The following C9 variants were observed in gnomAD, a reference collection of about 807,000 sequenced individuals.
C9 encodes the protein complement component C9.
Under a neutral mutation model 65.4 loss-of-function variants are expected in C9, and 63 were observed. The ratio of observed to expected loss-of-function variants is 0.96; its 90% CI spans 0.79 to 1.19. The LOEUF is 1.19. Among genes scored for constraint, C9 ranks in the 50% most tolerant of loss-of-function variants. The pLI is 0.00. For synonymous variants in C9, 229 were observed against 227.9 expected (o/e 1.00, Z -0.04); for missense variants, 744 against 670.1 (o/e 1.11, Z -1.22).
intron 9 of C9, among the ~76,000 whole-genome samples, chr5:39,291,864 G>T (rs948851085): frequency 3.3e-5 from 5 of 151,716 alleles, no homozygotes; most frequent in Non-Finnish European, 7.4e-5. Context: ...CTTGATAAAA[G>T]GGTGGTAGAA....
intron 1 of C9, among the ~76,000 whole-genome samples, chr5:39,342,524 A>C (rs1754106145): frequency 6.6e-6 from 1 of 152,224 alleles, no homozygotes; most frequent in Non-Finnish European, 1.5e-5. Flanking sequence ...CAACTAGATT[A>C]TGAACATAAT....
intron 1 of C9, among the ~76,000 whole-genome samples, chr5:39,343,694 A>G (rs1754134239): frequency 6.6e-6 from 1 of 152,144 alleles, no homozygotes; most frequent in Admixed American, 6.5e-5. Context: ...CCCAGCATGG[A>G]GTTTGAGATC....
chr5:39,304,674 AC>A (rs1753342177), intron 9 of C9, among the ~76,000 whole-genome samples: 1 of 152,170 alleles, frequency 6.6e-6, no homozygotes, highest in Non-Finnish European at 1.5e-5. Flanking sequence ...AACTATAGCT[AC>A]CATTTCCTTA....
chr5:39,348,901 C>T (rs1384696080), intron 1 of C9, among the ~76,000 whole-genome samples: 1 of 152,036 alleles, frequency 6.6e-6, no homozygotes, highest in African/African-American at 2.4e-5. Flanking sequence ...AACCATCATT[C>T]TCAGCAAACT....
intron 10 of C9, among the ~76,000 whole-genome samples, chr5:39,286,970 T>C (rs1262103033): frequency 6.6e-6 from 1 of 152,000 alleles, no homozygotes; most frequent in African/African-American, 2.4e-5. Context: ...GGCTACATAA[T>C]TGTTTTAGAA....
chr5:39,306,406 A>T (rs59389219), intron 9 of C9, among the ~76,000 whole-genome samples: 3,117 of 152,266 alleles, frequency 0.02, 113 homozygotes, highest in African/African-American at 0.07. Context: ...CATCCCACAC[A>T]TAGTGAGAGA....
intron 9 of C9, among the ~76,000 whole-genome samples, chr5:39,303,277 G>T (rs1753313691): frequency 6.6e-6 from 1 of 151,994 alleles, no homozygotes; most frequent in African/African-American, 2.4e-5. Context: ...GGAAGCTGAA[G>T]ACCATGACAA....
At chr5:39,355,523 C>T (rs1035135301) in intron 1 of C9, among the ~76,000 whole-genome samples, 3 of 151,992 alleles carry the variant, frequency 2.0e-5, no homozygotes, top group African/African-American at 7.3e-5. Flanking sequence ...AGATCTTTGC[C>T]TTTTATCTTT....
Position 39,306,694 on chromosome 5 carries a change from C to G in C9, c.1339G>C (p.Gly447Arg), listed in dbSNP as rs755757539. Residue 447 changes from glycine (G) to arginine (R), a missense_variant, in exon 9 of 11, where the codon GGA becomes CGA. Transcript: ENST00000263408. The part of the protein sequence containing the change: ...AFELKEKLLR[G>R]TVIDVTDFVN... ...AAGTCAGTCACATCAATCACGGTTC[C>G]TCGGAGAAGCTTTTCTTTCAGTTCA... The G allele has an allele frequency of 1.9e-6, 3 of 1,613,450 alleles. No individual in the cohort carries two copies. Among genetic ancestry groups the G allele is most frequent in the Non-Finnish European group, 1.7e-6 (2 of 1,179,458 alleles).
chr5:39,360,380 C>T (rs700222), intron 1 of C9, among the ~76,000 whole-genome samples: 62,039 of 151,894 alleles, frequency 0.41, 12,714 homozygotes, highest in Middle Eastern at 0.51. Flanking sequence ...ACCCGGACAA[C>T]TTCTCTCCAG....
chr5:39,305,319 G>C (rs1405691872), intron 9 of C9, among the ~76,000 whole-genome samples: 2 of 151,964 alleles, frequency 1.3e-5, no homozygotes, highest in Non-Finnish European at 2.9e-5. Context: ...ATAACATAAA[G>C]GGAGAATAGA....
At chr5:39,346,821 C>A (rs546027255) in intron 1 of C9, among the ~76,000 whole-genome samples, 4 of 152,306 alleles carry the variant, frequency 2.6e-5, no homozygotes, top group Middle Eastern at 3.4e-3. Context: ...AGCTTATCCA[C>A]CATGATCAAG....
At chr5:39,293,596 A>G (rs1157585748) in intron 9 of C9, among the ~76,000 whole-genome samples, 1 of 151,982 alleles carries the variant, frequency 6.6e-6, no homozygotes, top group Non-Finnish European at 1.5e-5. Flanking sequence ...AAACAACAAA[A>G]TAATATTTGG....
chr5:39,311,525 T>TA (rs1235359038), intron 6 of C9, 148 bp from the exon 7 acceptor site: 1 of 703,838 alleles, frequency 1.4e-6, no homozygotes, highest in African/African-American at 1.8e-5. Flanking sequence ...GGGCTAAATG[T>TA]AAAATACTAT....
At chr5:39,306,903 T>A in intron 8 of C9, 111 bp from the exon 9 acceptor site, 1 of 689,640 alleles carries the variant, frequency 1.5e-6, no homozygotes, top group Non-Finnish European at 2.5e-6. Flanking sequence ...AAATACAGCC[T>A]AATGTATTTA....
intron 5 of C9, among the ~76,000 whole-genome samples, chr5:39,330,393 C>T (rs937787628): frequency 6.6e-6 from 1 of 152,146 alleles, no homozygotes; most frequent in East Asian, 1.9e-4. Flanking sequence ...TGGGCAGCCC[C>T]TAGCCGTCAC....
In C9 at chr5:39,354,129, G is replaced by C. The variant is rs1754374693; in HGVS notation, c.77+10259C>G. Reference sequence around the variant, plus strand: ...AGGCTAAAAATGTATTACATGGGATGCCAAAACGTCTAGAAGAACCTGCTT... The same window carrying C: ...AGGCTAAAAATGTATTACATGGGATCCCAAAACGTCTAGAAGAACCTGCTT... On this transcript the variant is annotated intron_variant, in intron 1 of 10. Coordinates refer to ENST00000263408, the MANE Select transcript of C9 (RefSeq NM_001737.5). Among the ~76,000 whole-genome samples the C allele has an allele frequency of 2.6e-5, 4 of 152,280 alleles. No individual in the cohort carries two copies. In the South Asian group the frequency reaches 8.3e-4, roughly 32 times the overall value.
At chr5:39,356,540 C>A (rs1754415835) in intron 1 of C9, among the ~76,000 whole-genome samples, 1 of 152,224 alleles carries the variant, frequency 6.6e-6, no homozygotes, top group African/African-American at 2.4e-5. Context: ...TAAGCTTACA[C>A]CTAAATGATG....
chr5:39,333,146 A>G (rs975355645), intron 4 of C9, among the ~76,000 whole-genome samples: 3 of 151,260 alleles, frequency 2.0e-5, no homozygotes, highest in African/African-American at 7.3e-5. Flanking sequence ...AAAACATTAT[A>G]TATTTGATTT....
Sources: gnomAD v4.1 joint callset for allele counts (sites outside exome capture counted in the v4.1 genomes callset) on GRCh38, gnomAD v4.1.1 for gene constraint, MANE v1.5 for transcripts, NCBI Gene and HGNC (gene_info 2026-07-23, HGNC 2026-07-21) for gene names.